The following PHACTR1 variants were observed in gnomAD, a reference collection of about 807,000 sequenced individuals.
The protein encoded by PHACTR1 is phosphatase and actin regulator 1.
In PHACTR1, 16 loss-of-function variants were observed where a neutral mutation model predicts 69.2. That is an observed-to-expected ratio of 0.23 (90% CI 0.16 to 0.35). The LOEUF (loss-of-function observed/expected upper bound fraction) is 0.35. PHACTR1 is among the 10% of genes least tolerant of loss of function. PHACTR1 has a pLI of 1.00. For synonymous variants in PHACTR1, 312 were observed against 284.5 expected (o/e 1.10, Z -0.97); for missense variants, 510 against 734.7 (o/e 0.69, Z 3.54).
At chr6:12,834,129 T>C (rs1182163671) in intron 4 of PHACTR1, among the ~76,000 whole-genome samples, 3 of 152,200 alleles carry the variant, frequency 2.0e-5, no homozygotes, top group Non-Finnish European at 1.5e-5. Context: ...TCCACTGCTT[T>C]TATTCCCACC....
At chr6:13,000,576 G>A (rs1370270032) in intron 4 of PHACTR1, among the ~76,000 whole-genome samples, 1 of 142,158 alleles carries the variant, frequency 7.0e-6, no homozygotes, top group African/African-American at 2.7e-5. Flanking sequence ...AAGAGAGAGT[G>A]GGAGGGGGAG....
chr6:13,150,186 A>G (rs1480880043), intron 5 of PHACTR1, among the ~76,000 whole-genome samples: 1 of 152,024 alleles, frequency 6.6e-6, no homozygotes, highest in East Asian at 1.9e-4. Context: ...ACCTCTACAG[A>G]AAATACAAGT....
chr6:12,910,180 C>A (rs1786225568), intron 4 of PHACTR1, among the ~76,000 whole-genome samples: 1 of 152,164 alleles, frequency 6.6e-6, no homozygotes, highest in South Asian at 2.1e-4. Context: ...TTTTCTGCTG[C>A]ACATCTTCCT....
intron 1 of PHACTR1, among the ~76,000 whole-genome samples, chr6:12,717,302 T>C (rs1209039060): frequency 2.6e-5 from 4 of 152,104 alleles, no homozygotes; most frequent in Admixed American, 2.0e-4. Context: ...TCTATTCTTT[T>C]GTAGCTGCAA....
chr6:12,954,069 G>C (rs1373431676), intron 4 of PHACTR1, among the ~76,000 whole-genome samples: 1 of 152,146 alleles, frequency 6.6e-6, no homozygotes, highest in Non-Finnish European at 1.5e-5. Context: ...CAGTTGAGCT[G>C]GGCTTGAAAG....
rs114238222 is a variant in PHACTR1 at position 12,865,735 on chromosome 6, C to T, written c.250+115945C>T. On this transcript the variant is annotated intron_variant, in intron 4 of 14. Transcript: ENST00000332995. ...ATTTCTTGATGTTCCGGGACAGTCC[C>T]ACTTCTAGACAGCTTGCTATGTTTT... 1.3e-3 allele frequency among the ~76,000 whole-genome samples: 199 copies of T among 152,296 alleles called. 1 individual carries two copies. Among genetic ancestry groups the T allele is most frequent in the Admixed American group, 2.2e-3 (33 of 15,304 alleles).
intron 4 of PHACTR1, among the ~76,000 whole-genome samples, chr6:12,938,151 T>C (rs1046932099): frequency 6.6e-6 from 1 of 152,112 alleles, no homozygotes; most frequent in African/African-American, 2.4e-5. Flanking sequence ...AATAATAATA[T>C]AAGTTAACTT....
intron 4 of PHACTR1, among the ~76,000 whole-genome samples, chr6:12,916,980 T>C (rs1787084546): frequency 6.6e-6 from 1 of 152,222 alleles, no homozygotes; most frequent in Non-Finnish European, 1.5e-5. Flanking sequence ...GCTTCACTCA[T>C]GCTCACTCAG....
At chr6:12,810,323 G>T (rs928570159) in intron 4 of PHACTR1, among the ~76,000 whole-genome samples, 17 of 151,876 alleles carry the variant, frequency 1.1e-4, no homozygotes, top group African/African-American at 3.9e-4. Context: ...TGGTTGGTTT[G>T]TTGTTTGTTT....
At chr6:12,758,392 TGTGAGCAGAGACCCA>T (rs1365272125) in intron 4 of PHACTR1, among the ~76,000 whole-genome samples, 43 of 145,890 alleles carry the variant, frequency 2.9e-4, no homozygotes, top group African/African-American at 1.0e-3. Context: ...GCAGAGACCA[TGTGAGCAGAGACCCA>T]GTGAGCAGAG....
chr6:13,098,214 C>A (rs535297306), intron 5 of PHACTR1, among the ~76,000 whole-genome samples: 129 of 152,342 alleles, frequency 8.5e-4, no homozygotes, highest in Middle Eastern at 3.4e-3. Context: ...AAGGTCCACA[C>A]CCTCCATGTT....
intron 4 of PHACTR1, among the ~76,000 whole-genome samples, chr6:12,897,950 T>C (rs544220743): frequency 1.3e-5 from 2 of 152,240 alleles, no homozygotes; most frequent in East Asian, 3.9e-4. Flanking sequence ...CATTTATAAG[T>C]GAGAACATGT....
chr6:13,143,282 A>G (rs765728374), intron 5 of PHACTR1, among the ~76,000 whole-genome samples: 2 of 152,234 alleles, frequency 1.3e-5, no homozygotes, highest in Non-Finnish European at 2.9e-5. Context: ...AACTAAAAGT[A>G]TAACTGGATG....
chr6:13,049,502 AT>A (rs1208501327), intron 4 of PHACTR1, among the ~76,000 whole-genome samples: 2 of 152,202 alleles, frequency 1.3e-5, no homozygotes, highest in Non-Finnish European at 2.9e-5. Flanking sequence ...CAAACTGAAT[AT>A]TTTAAAAACT....
chr6:12,883,283 G>A (rs1040852814), intron 4 of PHACTR1, among the ~76,000 whole-genome samples: 16 of 152,038 alleles, frequency 1.1e-4, no homozygotes, highest in African/African-American at 3.6e-4. Flanking sequence ...GTGCCATCTC[G>A]GCTCACTGCA....
At chr6:12,877,702 T>C (rs1343751086) in intron 4 of PHACTR1, among the ~76,000 whole-genome samples, 2 of 152,240 alleles carry the variant, frequency 1.3e-5, no homozygotes, top group African/African-American at 4.8e-5. Context: ...ATTGTCCATC[T>C]GGCAAGCTAC....
chr6:13,185,972 C>T (rs1762775515), intron 7 of PHACTR1, among the ~76,000 whole-genome samples: 2 of 152,106 alleles, frequency 1.3e-5, no homozygotes, highest in Non-Finnish European at 2.9e-5. Context: ...TTTCTCAACT[C>T]CGAGTTCAGC....
At chr6:12,989,445 T>C (rs918946856) in intron 4 of PHACTR1, among the ~76,000 whole-genome samples, 3 of 152,150 alleles carry the variant, frequency 2.0e-5, no homozygotes. Context: ...TACCAACATA[T>C]AGTCTGGGAG....
chr6:12,857,040 C>T (rs192618971), intron 4 of PHACTR1, among the ~76,000 whole-genome samples: 1 of 152,230 alleles, frequency 6.6e-6, no homozygotes, highest in Non-Finnish European at 1.5e-5. Flanking sequence ...TAGATTCAAA[C>T]AACCAACTAA....
Sources: allele counts gnomAD v4.1 joint callset (sites outside exome capture counted in the v4.1 genomes callset), GRCh38; gene constraint gnomAD v4.1.1; transcripts MANE v1.5; gene names NCBI Gene and HGNC (gene_info 2026-07-23, HGNC 2026-07-21).